RANBP17: variants seen among roughly 807,000 people sequenced by gnomAD.
RANBP17 encodes the protein RAN binding protein 17.
Under a neutral mutation model 141.2 loss-of-function variants are expected in RANBP17, and 158 were observed. The observed-to-expected ratio is 1.12, with a 90% CI of 0.98 to 1.28. The LOEUF (loss-of-function observed/expected upper bound fraction) is 1.28. Among genes scored for constraint, RANBP17 ranks in the 50% most tolerant of loss-of-function variants. RANBP17 has a pLI of 0.00. For synonymous variants in RANBP17, 430 were observed against 450.0 expected, an observed-to-expected ratio of 0.96 and a Z score of 0.56; for missense variants, 1,438 against 1,290.7, an observed-to-expected ratio of 1.11 and a Z score of -1.75.
At chr5:170,972,648 A>G (rs752152810) in intron 14 of RANBP17, among the ~76,000 whole-genome samples, 7 of 152,164 alleles carry the variant, frequency 4.6e-5, no homozygotes, top group Non-Finnish European at 7.3e-5. Flanking sequence ...ATTTTTACAA[A>G]CAATACTGCA....
intron 14 of RANBP17, among the ~76,000 whole-genome samples, chr5:171,091,948 G>T (rs974717084): frequency 6.6e-6 from 1 of 152,116 alleles, no homozygotes; most frequent in African/African-American, 2.4e-5. Flanking sequence ...ATATATGCAG[G>T]TTCCACAGGG....
At chr5:170,972,176 T>A (rs1777034710) in intron 14 of RANBP17, among the ~76,000 whole-genome samples, 1 of 11,812 alleles carries the variant, frequency 8.5e-5, no homozygotes, top group African/African-American at 2.5e-4. Flanking sequence ...ATCTTTAGGA[T>A]TTTTTTTTTT....
chr5:170,864,445 T>A (rs930696823), intron 1 of RANBP17, among the ~76,000 whole-genome samples: 1 of 152,188 alleles, frequency 6.6e-6, no homozygotes, highest in African/African-American at 2.4e-5. Context: ...CTGCTCCTAA[T>A]GCTTGGAGGG....
intron 18 of RANBP17, 52 bp downstream of exon 18, chr5:171,183,482 G>A: frequency 8.0e-7 from 1 of 1,251,776 alleles, no homozygotes; most frequent in Non-Finnish European, 1.2e-6. Flanking sequence ...ATACACTTGT[G>A]TGAATAAAGA....
intron 16 of RANBP17, among the ~76,000 whole-genome samples, chr5:171,172,982 T>C (rs980175050): frequency 2.6e-5 from 4 of 152,116 alleles, no homozygotes; most frequent in South Asian, 2.1e-4. Context: ...TATAATATTT[T>C]AAGCCAGGGG....
At chr5:170,997,808 T>G (rs76758210) in intron 14 of RANBP17, among the ~76,000 whole-genome samples, 4,037 of 152,236 alleles carry the variant, frequency 0.027, 173 homozygotes, top group African/African-American at 0.091. Context: ...CTCAACTGTA[T>G]GACAATAGGA....
At chr5:171,031,917 A>G (rs1781572364) in intron 14 of RANBP17, among the ~76,000 whole-genome samples, 2 of 152,076 alleles carry the variant, frequency 1.3e-5, no homozygotes, top group African/African-American at 4.8e-5. Context: ...TATTTCAGAA[A>G]GGTGGCGTCC....
At chr5:171,228,318 A>C (rs528978075) in intron 22 of RANBP17, among the ~76,000 whole-genome samples, 21 of 152,342 alleles carry the variant, frequency 1.4e-4, no homozygotes, top group African/African-American at 3.1e-4. Flanking sequence ...TGAAGAGTTC[A>C]AGACTTCAGG....
At chr5:171,113,177 A>C (rs1158468948) in intron 14 of RANBP17, among the ~76,000 whole-genome samples, 1 of 152,200 alleles carries the variant, frequency 6.6e-6, no homozygotes, top group Non-Finnish European at 1.5e-5. Context: ...CTGCTGAAAT[A>C]GTCACTGTCA....
intron 14 of RANBP17, among the ~76,000 whole-genome samples, chr5:171,056,736 C>G (rs1228842917): frequency 6.6e-6 from 1 of 152,060 alleles, no homozygotes; most frequent in Non-Finnish European, 1.5e-5. Flanking sequence ...GAAAGTTTGT[C>G]ATATATTAAA....
chr5:170,863,825 TGCAGGAATGTAC>T (rs1767017274), intron 1 of RANBP17: 1 of 152,222 alleles, frequency 6.6e-6, no homozygotes, highest in East Asian at 1.9e-4. Flanking sequence ...ATATTGGTTT[TGCAGGAATGTAC>T]TTCACAGTAC....
At chr5:170,896,627 C>T (rs966628725) in intron 5 of RANBP17, among the ~76,000 whole-genome samples, 9 of 152,014 alleles carry the variant, frequency 5.9e-5, no homozygotes, top group African/African-American at 1.2e-4. Flanking sequence ...GTCAGGAATT[C>T]GAGACCAGCC....
At chr5:171,270,728 T>C (rs1005145774) in intron 25 of RANBP17, among the ~76,000 whole-genome samples, 1 of 152,172 alleles carries the variant, frequency 6.6e-6, no homozygotes, top group African/African-American at 2.4e-5. Context: ...CTCAGAGATA[T>C]GAGTAATTCC....
At chr5:171,009,033 C>CTTATTTATTTGGCACTGCT (rs1779852193) in intron 14 of RANBP17, among the ~76,000 whole-genome samples, 1 of 152,190 alleles carries the variant, frequency 6.6e-6, no homozygotes, top group African/African-American at 2.4e-5. Context: ...ATGTTCATTT[C>CTTATTTATTTGGCACTGCT]AATGCCATGG....
In RANBP17 at chr5:171,278,649, G is replaced by T. The variant is rs550496267; in HGVS notation, c.2943+12802G>T. ...GAGAGAAAAAAGAAGCAGACATGCC[G>T]AGGATCTCAAATGAGAGGCCAAGCA... On this transcript the variant is annotated intron_variant, in intron 25 of 27. Coordinates refer to ENST00000523189, the MANE Select transcript of RANBP17 (RefSeq NM_022897.5). Among the ~76,000 whole-genome samples the T allele has an allele frequency of 5.3e-5, 8 of 152,172 alleles. No homozygotes were observed. In the South Asian group the frequency reaches 1.7e-3, roughly 32 times the overall value.
intron 14 of RANBP17, among the ~76,000 whole-genome samples, chr5:171,092,124 C>T (rs2127729863): frequency 6.6e-6 from 1 of 152,134 alleles, no homozygotes; most frequent in East Asian, 1.9e-4. Context: ...CAAGGATATG[C>T]TTTAAATTTA....
chr5:170,905,674 TGAACTCTAAA>T (rs759956002), intron 5 of RANBP17, among the ~76,000 whole-genome samples: 1 of 152,148 alleles, frequency 6.6e-6, no homozygotes, highest in Non-Finnish European at 1.5e-5. Flanking sequence ...ATAATCTTAT[TGAACTCTAAA>T]TATGTCTAAA....
intron 18 of RANBP17, among the ~76,000 whole-genome samples, chr5:171,198,501 C>G (rs1478977684): frequency 6.6e-6 from 1 of 152,194 alleles, no homozygotes; most frequent in Non-Finnish European, 1.5e-5. Flanking sequence ...GTTACTTTGT[C>G]TGAAAAATGA....
At chr5:170,946,850 CAAAA>C (rs1390278015) in intron 12 of RANBP17, among the ~76,000 whole-genome samples, 2 of 151,960 alleles carry the variant, frequency 1.3e-5, no homozygotes, top group East Asian at 1.9e-4. Context: ...AAATCACTAA[CAAAA>C]AACACAAAAA....
Sources: allele counts gnomAD v4.1 joint callset (sites outside exome capture counted in the v4.1 genomes callset), GRCh38; gene constraint gnomAD v4.1.1; transcripts MANE v1.5; gene names NCBI Gene and HGNC (gene_info 2026-07-23, HGNC 2026-07-21).